HCN2: variants seen among roughly 807,000 people sequenced by gnomAD.
The protein encoded by HCN2 is potassium/sodium hyperpolarization-activated cyclic nucleotide-gated channel 2.
In HCN2, 20 loss-of-function variants were observed where a neutral mutation model predicts 52.3. The observed-to-expected ratio is 0.38, with a 90% CI of 0.27 to 0.56. The LOEUF (loss-of-function observed/expected upper bound fraction) is 0.56, where lower values mean the gene tolerates loss of function less well. Ranked by LOEUF, HCN2 falls within the 20% of genes least tolerant of loss-of-function variation. HCN2 has a pLI of 0.71. For missense variants in HCN2, 981 were observed against 1,207.7 expected (o/e 0.81, Z 2.78); for synonymous variants, 694 against 537.0 (o/e 1.29, Z -4.04).
Position 603,980 on chromosome 19 carries a change from G to GGGGGCGGGGCCAAGGCAGCA in HCN2, c.1056+24_1056+43dup. On this transcript the variant is annotated intron_variant, in intron 2 of 7. Coordinates refer to ENST00000251287, the MANE Select transcript of HCN2 (RefSeq NM_001194.4). ...TCAGTGGGAGGAGGTGAGGTGGGGCGGGGGCGGGGCCAAGGCAGCAGGGGC... is the reference window on the plus strand; with the variant it reads ...TCAGTGGGAGGAGGTGAGGTGGGGCGGGGGCGGGGCCAAGGCAGCAGGGGCGGGGCCAAGGCAGCAGGGGC... 2 of 1,587,166 alleles carry GGGGGCGGGGCCAAGGCAGCA rather than the reference G, an allele frequency of 1.3e-6. No individual in the cohort carries two copies. Among genetic ancestry groups the GGGGGCGGGGCCAAGGCAGCA allele is most frequent in the Middle Eastern group, 1.9e-4 (1 of 5,340 alleles).
chr19:612,768 C>T (rs1176191512), intron 5 of HCN2, among the ~76,000 whole-genome samples: 6 of 149,266 alleles, frequency 4.0e-5, no homozygotes, highest in East Asian at 2.0e-4. Context: ...TCTTGTTCTG[C>T]GCTCAGGCTG....
intron 2 of HCN2, among the ~76,000 whole-genome samples, chr19:604,759 G>GGACAATGATGGTTGTGCTGGGGCGT (rs1983354772): frequency 7.3e-6 from 1 of 136,528 alleles, no homozygotes; most frequent in Non-Finnish European, 1.6e-5. Context: ...TGCTGGGGCG[G>GGACAATGATGGTTGTGCTGGGGCGT]TGTCAGACAT....
At chr19:614,072 CCAAGGCATCAGGAGAGTGGCTTGGA>C (rs1983794207) in intron 7 of HCN2, 56 bp downstream of exon 7, 2 of 1,336,198 alleles carry the variant, frequency 1.5e-6, no homozygotes, top group East Asian at 2.6e-5. Flanking sequence ...AGGGGCGTGG[CCAAGGCATCAGGAGAGTGGCTTGGA>C]CAGTGGCAGG....
intron 5 of HCN2, among the ~76,000 whole-genome samples, chr19:611,870 G>A (rs950595755): frequency 2.6e-5 from 4 of 152,184 alleles, no homozygotes; most frequent in African/African-American, 7.2e-5. Flanking sequence ...ATATGGCCAG[G>A]CGTGGTGGCT....
intron 1 of HCN2, among the ~76,000 whole-genome samples, chr19:603,223 C>T (rs111731254): frequency 4.6e-4 from 19 of 41,288 alleles, no homozygotes; most frequent in Admixed American, 1.5e-3. Flanking sequence ...GGCACCCTCG[C>T]CCCCCAGGGA....
Position 616,633 on chromosome 19 carries a change from AGCCCCCTCCGC to A in HCN2, c.*166_*176del, listed in dbSNP as rs904046835. On this transcript the variant is annotated 3_prime_UTR_variant, in exon 8 of 8. Transcript: ENST00000251287. ...GACGGACGGGCAGGGCCGGCGGGGC[AGCCCCCTCCGC>A]GCCCCCGGCCGTCCCCCCTCATCGC... 2 of 330,514 alleles carry A rather than the reference AGCCCCCTCCGC, an allele frequency of 6.1e-6. No individual in the cohort carries two copies. Among genetic ancestry groups the A allele is most frequent in the Non-Finnish European group, 9.8e-6 (2 of 203,544 alleles). 20.5% of individuals were successfully genotyped at this position (330,514 alleles called of 1,614,324 possible).
In HCN2 at chr19:616,393, C is replaced by G; in HGVS notation, c.2589C>G (p.Arg863=). 8.0e-7 allele frequency: 1 copy of G among 1,243,062 alleles called. No homozygotes were observed. The highest frequency in any genetic ancestry group is 1.0e-6 in the Non-Finnish European group (1 of 987,080). The allele number at this position is 1,243,062 out of a possible 1,614,324, so 77.0% of individuals were successfully genotyped here. Residue 863 remains arginine, a synonymous_variant, in exon 8 of 8, where the codon CGC becomes CGG. Coordinates refer to ENST00000251287, the MANE Select transcript of HCN2 (RefSeq NM_001194.4). ...GGGCCGCCGCGCCCAGCCCGGACCGCAGGGACTCGGCCTCACCCGGCGCCG... is the reference window on the plus strand; with the variant it reads ...GGGCCGCCGCGCCCAGCCCGGACCGGAGGGACTCGGCCTCACCCGGCGCCG... ...AARAAAPSPD[R]RDSASPGAAG...
intron 5 of HCN2, among the ~76,000 whole-genome samples, chr19:612,427 T>TGTGTGA: frequency 1.0e-3 from 146 of 142,360 alleles, no homozygotes; most frequent in African/African-American, 2.0e-3. Flanking sequence ...TGTGTGTGTG[T>TGTGTGA]GAGAGAGAGA....
chr19:613,862 G>C lies in HCN2; in HGVS notation c.1836G>C (p.Leu612=), dbSNP rs1335277315. The stretch of plus-strand genomic sequence containing the variant: ...GCGCGCCACGTGCAGAGATCTGCCT[G>C]CTCACCCGGGGCCGCCGCACGGCGA... ...SDGSYFGEIC[L]LTRGRRTASV... is the part of the protein sequence containing the mutation. Residue 612 remains leucine, a synonymous_variant, in exon 7 of 8, where the codon CTG becomes CTC. Coordinates refer to ENST00000251287, the MANE Select transcript of HCN2 (RefSeq NM_001194.4). 6.3e-7 allele frequency: 1 copy of C among 1,585,890 alleles called. No homozygotes were observed. The highest frequency in any genetic ancestry group is 1.8e-5 in the Admixed American group (1 of 57,088).
rs965356065 is a variant in HCN2 at position 612,385 on chromosome 19, T to C, written c.1585-863T>C. On this transcript the variant is annotated intron_variant, in intron 5 of 7. Transcript: ENST00000251287. ...ACCTGATAGTCTGACCGAATGTAGC[T>C]TTCCACTGGTGTGTGTGTGTGTGTG... Among the ~76,000 whole-genome samples the C allele has an allele frequency of 6.2e-4, 86 of 137,746 alleles. 1 individual carries two copies. The highest frequency in any genetic ancestry group is 2.6e-3 in the Admixed American group (33 of 12,902). 90.4% of individuals were successfully genotyped at this position (137,746 alleles called of 152,430 possible).
rs569206235 is a variant in HCN2, at chr19:609,515, C to T, written c.1438-744C>T. Among the ~76,000 whole-genome samples the T allele has an allele frequency of 7.2e-5, 11 of 152,328 alleles. No individual in the cohort carries two copies. The South Asian group carries it at 1.0e-3, about 14-fold the overall frequency. On this transcript the variant is annotated intron_variant, in intron 4 of 7. Coordinates refer to ENST00000251287, the MANE Select transcript of HCN2 (RefSeq NM_001194.4). Reference sequence around the variant, plus strand: ...GTGCAGTGGCTCCTGCCTGTAATCCCGGCACTCTGGGAGGCCGAGACAGGC... The same window carrying T: ...GTGCAGTGGCTCCTGCCTGTAATCCTGGCACTCTGGGAGGCCGAGACAGGC...
chr19:590,440 C>G lies in HCN2; in HGVS notation c.495C>G (p.Arg165=), dbSNP rs1188744286. 1 of 1,497,996 alleles carries G rather than the reference C, an allele frequency of 6.7e-7. No homozygotes were observed. Among genetic ancestry groups the G allele is most frequent in the African/African-American group, 1.4e-5 (1 of 69,204 alleles). The allele number at this position is 1,497,996 out of a possible 1,614,324, so 92.8% of individuals were successfully genotyped here. A position where few individuals can be genotyped will look rare whatever the true frequency, so the allele number is the denominator to read the frequency against. The change falls in exon 1 of 8, where the codon CGC becomes CGG. Residue 165 remains arginine, a synonymous_variant. Coordinates refer to ENST00000251287, the MANE Select transcript of HCN2 (RefSeq NM_001194.4). This position sits in a 1 kb window ranked among gnomAD's most constrained non-coding sequence, Gnocchi z 7.2. ...PRGSQASFMQ[R]QFGALLQPGV... ...GCAGCCAGGCCAGCTTCATGCAGCG[C>G]CAGTTCGGCGCGCTCCTGCAGCCGG...
In HCN2 at chr19:613,554, G is replaced by GGGGGCTGGGGCCGGGGCC. The variant is rs1555732093; in HGVS notation, c.1825+71_1825+72insTGGGGCCGGGGCCGGGGC. The GGGGGCTGGGGCCGGGGCC allele has an allele frequency of 3.9e-5, 36 of 912,726 alleles. 2 individuals carry two copies. Among genetic ancestry groups the GGGGGCTGGGGCCGGGGCC allele is most frequent in the Admixed American group, 5.2e-5 (2 of 38,832 alleles). The allele number at this position is 912,726 out of a possible 1,614,324, so 56.5% of individuals were successfully genotyped here. On this transcript the variant is annotated intron_variant, in intron 6 of 7. Transcript: ENST00000251287. ...GCGACCCCCGCGGTGTGCAGAGCCA[G>GGGGGCTGGGGCCGGGGCC]GGGGCCGGGGCCGGGGCCGGGGCCG...
intron 1 of HCN2, among the ~76,000 whole-genome samples, chr19:601,056 G>A (rs112198576): frequency 1.5e-4 from 23 of 151,930 alleles, no homozygotes; most frequent in Non-Finnish European, 3.1e-4. Context: ...GGCTCAGGCC[G>A]GTAATCCCCA....
At chr19:602,987 TCCCCCAGGGAGGAA>T (rs1983260500) in intron 1 of HCN2, among the ~76,000 whole-genome samples, 1 of 79,780 alleles carries the variant, frequency 1.3e-5, no homozygotes, top group African/African-American at 4.1e-5. Flanking sequence ...GGCACCCTCG[TCCCCCAGGGAGGAA>T]TGCCCGGGGC....
Position 607,961 on chromosome 19 carries a change from C to T in HCN2, c.1219-3C>T. The T allele has an allele frequency of 1.9e-6, 3 of 1,606,410 alleles. No homozygotes were observed. Among genetic ancestry groups the T allele is most frequent in the Non-Finnish European group, 2.6e-6 (3 of 1,175,684 alleles). On this transcript the variant is annotated splice_polypyrimidine_tract_variant and splice_region_variant and intron_variant, in intron 3 of 7. Transcript: ENST00000251287. ...ACCACCGCCCCTCCTGCTGGCCTTG[C>T]AGAACCACTCGTGGAGTGAACTGTA...
Position 590,587 on chromosome 19 carries a change from C to T in HCN2, c.632+10C>T. ...CGTACAGCGACTTCAGGTACCGCCT[C>T]CGGGAGGGCCGGTCGGCGCGAGGGG... On this transcript the variant is annotated intron_variant, in intron 1 of 7. Transcript: ENST00000251287. This position sits in a 1 kb window ranked among gnomAD's most constrained non-coding sequence, Gnocchi z 7.2. The T allele has an allele frequency of 7.2e-7, 1 of 1,398,332 alleles. No individual in the cohort carries two copies. The highest frequency in any genetic ancestry group is 2.9e-5 in the East Asian group (1 of 34,318). The allele number at this position is 1,398,332 out of a possible 1,614,324, so 86.6% of individuals were successfully genotyped here.
chr19:614,033 C>T lies in HCN2; in HGVS notation c.1990+17C>T, dbSNP rs748420643. 20 of 1,421,482 alleles carry T rather than the reference C, an allele frequency of 1.4e-5. No individual in the cohort carries two copies. The East Asian group carries it at 2.0e-4, about 14-fold the overall frequency. The allele number at this position is 1,421,482 out of a possible 1,614,324, so 88.1% of individuals were successfully genotyped here. A position where few individuals can be genotyped will look rare whatever the true frequency, so the allele number is the denominator to read the frequency against. On this transcript the variant is annotated intron_variant, in intron 7 of 7. Coordinates refer to ENST00000251287, the MANE Select transcript of HCN2 (RefSeq NM_001194.4). Reference sequence around the variant, plus strand: ...ACCGCATCGGTGAGCGGGCCGGGGGCGTGGCCGGGGCGGGTGCCCTGGCGG... The same window carrying T: ...ACCGCATCGGTGAGCGGGCCGGGGGTGTGGCCGGGGCGGGTGCCCTGGCGG...
chr19:610,215 A>G (rs200890830), intron 4 of HCN2, 44 bp from the exon 5 acceptor site: 1 of 1,570,658 alleles, frequency 6.4e-7, no homozygotes, highest in East Asian at 2.3e-5. Flanking sequence ...TGCCCGCTGC[A>G]GGCCGGGGGC....
Sources: gnomAD v4.1 joint callset for allele counts (sites outside exome capture counted in the v4.1 genomes callset) on GRCh38, gnomAD v4.1.1 for gene constraint, Gnocchi (gnomAD v3.1) non-coding constraint, MANE v1.5 for transcripts, NCBI Gene and HGNC (gene_info 2026-07-23, HGNC 2026-07-21) for gene names.